MMP26: variants seen among roughly 807,000 people sequenced by gnomAD.
The protein encoded by MMP26 is matrix metallopeptidase 26.
In MMP26, 33 loss-of-function variants were observed where a neutral mutation model predicts 31.0. The observed-to-expected ratio is 1.06, with a 90% CI of 0.81 to 1.42. The LOEUF (loss-of-function observed/expected upper bound fraction) is 1.42, where lower values mean the gene tolerates loss of function less well. MMP26 is among the 40% of genes most tolerant of loss of function. The probability of loss-of-function intolerance (pLI) is 0.00; values close to 1 mark genes in which losing one functional copy is unlikely to be tolerated. For synonymous variants in MMP26, 122 were observed against 114.9 expected, an observed-to-expected ratio of 1.06 and a Z score of -0.40; for missense variants, 347 against 316.1, an observed-to-expected ratio of 1.10 and a Z score of -0.74.
chr11:4,843,684 T>C (rs1849827739), intron 2 of MMP26, among the ~76,000 whole-genome samples: 1 of 152,248 alleles, frequency 6.6e-6, no homozygotes, highest in Non-Finnish European at 1.5e-5. Context: ...GGAGACATTT[T>C]CCCCATTGTG....
At chr11:4,754,441 G>A (rs1282451459) in intron 1 of MMP26, among the ~76,000 whole-genome samples, 1 of 151,938 alleles carries the variant, frequency 6.6e-6, no homozygotes, top group African/African-American at 2.4e-5. Context: ...TTAGATTACT[G>A]AAACTTATTT....
chr11:4,921,107 A>T (rs1035264768), intron 2 of MMP26, among the ~76,000 whole-genome samples: 1 of 152,226 alleles, frequency 6.6e-6, no homozygotes, highest in Non-Finnish European at 1.5e-5. Context: ...TGAAGGGATA[A>T]CTGACAAATG....
chr11:4,804,297 C>A, intron 2 of MMP26: 1 of 1,614,052 alleles, frequency 6.2e-7, no homozygotes. Flanking sequence ...AGGCAATCCA[C>A]AACTGGAAAC....
At chr11:4,852,974 C>A (rs1849996597) in intron 2 of MMP26, among the ~76,000 whole-genome samples, 1 of 152,126 alleles carries the variant, frequency 6.6e-6, no homozygotes, top group African/African-American at 2.4e-5. Context: ...GCTGCACGAC[C>A]TCACTTTTGT....
At position 4,935,713 on chromosome 11, in the gene MMP26, T is replaced by A. The variant is rs879566730; in HGVS notation, c.-144-52355T>A. ...ATTCAGTATGATATTGGCTGTGGGT[T>A]TGTCATAGATAGCTCTTATCATTTT... On this transcript the variant is annotated intron_variant, in intron 2 of 7. Coordinates refer to ENST00000380390, the MANE Select transcript of MMP26 (RefSeq NM_021801.5). Among the ~76,000 whole-genome samples, 1,122 of 147,514 alleles carry A rather than the reference T, an allele frequency of 7.6e-3. 4 individuals carry two copies. The highest frequency in any genetic ancestry group is 9.8e-3 in the Non-Finnish European group (636 of 65,224).
intron 2 of MMP26, among the ~76,000 whole-genome samples, chr11:4,960,406 A>G (rs767203729): frequency 6.6e-6 from 1 of 151,818 alleles, no homozygotes; most frequent in Non-Finnish European, 1.5e-5. Context: ...CAACTGTCAA[A>G]CATCTTTATT....
At chr11:4,940,639 C>A (rs1399958277) in intron 2 of MMP26, among the ~76,000 whole-genome samples, 1 of 152,114 alleles carries the variant, frequency 6.6e-6, no homozygotes, top group African/African-American at 2.4e-5. Flanking sequence ...ACAGCAGGGG[C>A]TGTTTGAAAG....
At chr11:4,916,922 C>A (rs1851102824) in intron 2 of MMP26, among the ~76,000 whole-genome samples, 1 of 152,176 alleles carries the variant, frequency 6.6e-6, no homozygotes, top group Non-Finnish European at 1.5e-5. Context: ...GGCAGTGATG[C>A]TGGAAAGGCC....
intron 2 of MMP26, among the ~76,000 whole-genome samples, chr11:4,850,534 G>T (rs185074409): frequency 2.0e-5 from 3 of 151,970 alleles, no homozygotes; most frequent in African/African-American, 7.2e-5. Context: ...TTTCTTCCCT[G>T]CCCAAATGCC....
At chr11:4,711,070 G>T (rs574713377) in intron 1 of MMP26, 1 of 152,482 alleles carries the variant, frequency 6.6e-6, no homozygotes, top group South Asian at 2.1e-4. Context: ...AGATCTGGGG[G>T]TCCATTGTCT....
chr11:4,932,790 A>C (rs1167684937), intron 2 of MMP26, among the ~76,000 whole-genome samples: 1 of 152,088 alleles, frequency 6.6e-6, no homozygotes, highest in Non-Finnish European at 1.5e-5. Context: ...GAAGTCCCCA[A>C]AGTCACTTTC....
chr11:4,893,077 T>C (rs1418572738), intron 2 of MMP26, among the ~76,000 whole-genome samples: 1 of 152,056 alleles, frequency 6.6e-6, no homozygotes, highest in Non-Finnish European at 1.5e-5. Context: ...CCATTCTATA[T>C]GCCATTGTCA....
intron 1 of MMP26, among the ~76,000 whole-genome samples, chr11:4,745,653 G>T (rs1282333617): frequency 6.6e-6 from 1 of 152,136 alleles, no homozygotes; most frequent in African/African-American, 2.4e-5. Flanking sequence ...TACTGTTGGT[G>T]TTGTATGTTC....
intron 2 of MMP26, chr11:4,849,253 G>C (rs764488567): frequency 2.6e-6 from 4 of 1,551,472 alleles, no homozygotes; most frequent in Non-Finnish European, 3.5e-6. Flanking sequence ...AAAATGATTA[G>C]AAAGGTTTAC....
intron 2 of MMP26, among the ~76,000 whole-genome samples, chr11:4,816,860 CGCCCG>C (rs1452476993): frequency 7.8e-6 from 1 of 128,512 alleles, no homozygotes; most frequent in Non-Finnish European, 1.7e-5. Flanking sequence ...CCCGCCACCA[CGCCCG>C]GCTAATTTTT....
At chr11:4,759,200 A>T (rs527310348) in intron 1 of MMP26, among the ~76,000 whole-genome samples, 1 of 152,216 alleles carries the variant, frequency 6.6e-6, no homozygotes, top group Admixed American at 6.5e-5. Context: ...TTAATACAGG[A>T]AGAATTTTCA....
chr11:4,707,360 C>G (rs1169514466), intron 1 of MMP26, among the ~76,000 whole-genome samples: 1 of 152,096 alleles, frequency 6.6e-6, no homozygotes, highest in Non-Finnish European at 1.5e-5. Context: ...TCCTTTGTCC[C>G]TTTTTAAATT....
At chr11:4,860,959 C>T (rs1046788879) in intron 2 of MMP26, among the ~76,000 whole-genome samples, 26 of 151,506 alleles carry the variant, frequency 1.7e-4, no homozygotes, top group African/African-American at 6.3e-4. Flanking sequence ...TTTTAAAACC[C>T]CATTAAAACC....
At chr11:4,805,278 A>G (rs1849251756) in intron 2 of MMP26, among the ~76,000 whole-genome samples, 1 of 152,234 alleles carries the variant, frequency 6.6e-6, no homozygotes, top group Non-Finnish European at 1.5e-5. Flanking sequence ...CCAATTGTAC[A>G]TTTATAATTT....
Sources: allele counts gnomAD v4.1 joint callset (sites outside exome capture counted in the v4.1 genomes callset), GRCh38; gene constraint gnomAD v4.1.1; transcripts MANE v1.5; gene names NCBI Gene and HGNC (gene_info 2026-07-23, HGNC 2026-07-21).